The following EPHA6 variants were observed in gnomAD, a reference collection of about 807,000 sequenced individuals.
EPHA6 encodes EPH receptor A6, also known as ephrin type-A receptor 6.
EPHA6 carries 50 observed loss-of-function variants against 112.0 expected under a neutral mutation model. The ratio of observed to expected loss-of-function variants is 0.45; its 90% confidence interval spans 0.36 to 0.56. The LOEUF (loss-of-function observed/expected upper bound fraction) is 0.56, where lower values mean the gene tolerates loss of function less well. Among genes scored for constraint, EPHA6 ranks in the 20% least tolerant of loss-of-function variants. The probability of loss-of-function intolerance (pLI) is 0.00; values close to 1 mark genes in which losing one functional copy is unlikely to be tolerated. For synonymous variants in EPHA6, 529 were observed against 490.7 expected, an observed-to-expected ratio of 1.08 and a Z score of -1.03; for missense variants, 1,280 against 1,417.4, an observed-to-expected ratio of 0.90 and a Z score of 1.56.
intron 2 of EPHA6, among the ~76,000 whole-genome samples, chr3:96,971,993 G>T (rs2042333044): frequency 6.6e-6 from 1 of 152,012 alleles, no homozygotes; most frequent in South Asian, 2.1e-4. Flanking sequence ...GATTTATTAT[G>T]ATTTTGTTGT....
At chr3:96,878,970 ATTATT>A (rs1460279509) in intron 2 of EPHA6, among the ~76,000 whole-genome samples, 1 of 152,056 alleles carries the variant, frequency 6.6e-6, no homozygotes, top group East Asian at 1.9e-4. Flanking sequence ...TAAATTGATT[ATTATT>A]TTGAGTATTA....
chr3:97,150,609 C>T (rs1485370256), intron 3 of EPHA6, among the ~76,000 whole-genome samples: 2 of 151,954 alleles, frequency 1.3e-5, no homozygotes, highest in African/African-American at 4.8e-5. Context: ...ACTCTGGTTG[C>T]CTTTATAACT....
At position 97,110,292 on chromosome 3, in the gene EPHA6, C is replaced by A. The variant is rs553479023; in HGVS notation, c.1115-115972C>A. On this transcript the variant is annotated intron_variant, in intron 3 of 17. Coordinates refer to ENST00000389672, the MANE Select transcript of EPHA6 (RefSeq NM_001080448.3). ...GGTAATTTACCATTTACATAACTCT[C>A]TTTTAGGAGAAATTTCAGGTACCAG... Among the ~76,000 whole-genome samples the A allele has an allele frequency of 1.8e-3, 273 of 152,178 alleles. 4 individuals are homozygous for A. Among genetic ancestry groups the A allele is most frequent in the South Asian group, 3.7e-3 (18 of 4,824 alleles).
chr3:97,236,773 G>C (rs751747141), intron 4 of EPHA6, among the ~76,000 whole-genome samples: 1 of 152,050 alleles, frequency 6.6e-6, no homozygotes, highest in Non-Finnish European at 1.5e-5. Context: ...GGTTTCTTTA[G>C]TGCTGGAATA....
intron 5 of EPHA6, among the ~76,000 whole-genome samples, chr3:97,288,607 T>A (rs1446553118): frequency 6.6e-6 from 1 of 152,184 alleles, no homozygotes; most frequent in Non-Finnish European, 1.5e-5. Flanking sequence ...TTAATGAGAT[T>A]GCTGGGTCAG....
At chr3:97,036,639 G>T (rs996933817) in intron 3 of EPHA6, among the ~76,000 whole-genome samples, 1 of 151,984 alleles carries the variant, frequency 6.6e-6, no homozygotes, top group African/African-American at 2.4e-5. Context: ...TAGTTTTCAA[G>T]TGACATTCTT....
chr3:97,755,051 T>C lies in EPHA6; in HGVS notation c.*6350T>C, dbSNP rs1271955627. Reference sequence around the variant, plus strand: ...CATGGAAAAGTTCTTGCTTGAACTTTCACACTGATTAATCAAAGTAACAAA... The same window carrying C: ...CATGGAAAAGTTCTTGCTTGAACTTCCACACTGATTAATCAAAGTAACAAA... On this transcript the variant is annotated 3_prime_UTR_variant, in exon 18 of 18. Coordinates refer to ENST00000389672, the MANE Select transcript of EPHA6 (RefSeq NM_001080448.3). 6.6e-6 allele frequency among the ~76,000 whole-genome samples: 1 copy of C among 152,252 alleles called. No individual in the cohort carries two copies. Among genetic ancestry groups the C allele is most frequent in the East Asian group, 1.9e-4 (1 of 5,196 alleles).
chr3:97,175,236 A>G (rs2076804905), intron 3 of EPHA6, among the ~76,000 whole-genome samples: 1 of 151,794 alleles, frequency 6.6e-6, no homozygotes. Flanking sequence ...TGGGTTCTCT[A>G]TTATTTTCCA....
intron 5 of EPHA6, among the ~76,000 whole-genome samples, chr3:97,252,080 AC>A (rs1482381319): frequency 6.6e-6 from 1 of 152,140 alleles, no homozygotes; most frequent in Admixed American, 6.5e-5. Flanking sequence ...TCTGTAGTTG[AC>A]CCCACATGCA....
intron 5 of EPHA6, among the ~76,000 whole-genome samples, chr3:97,275,945 T>A (rs1447722961): frequency 6.6e-6 from 1 of 151,990 alleles, no homozygotes; most frequent in Non-Finnish European, 1.5e-5. Flanking sequence ...AGTTAAAATG[T>A]CTCGACCTAA....
Position 97,610,472 on chromosome 3 carries a change from GT to G in EPHA6, c.2513-317del, listed in dbSNP as rs1301265389. 2.6e-5 allele frequency among the ~76,000 whole-genome samples: 4 copies of G among 151,618 alleles called. No homozygotes were observed. The South Asian group carries it at 8.3e-4, about 31-fold the overall frequency. ...AAATCCTGACTTCAGCTTGTTGATT[GT>G]TTTCTAAGGAAAAACTAGAGGACAA... is the stretch of plus-strand genomic sequence containing the variant. On this transcript the variant is annotated intron_variant, in intron 12 of 17. Transcript: ENST00000389672.
At chr3:97,184,264 T>G (rs936309129) in intron 3 of EPHA6, among the ~76,000 whole-genome samples, 1 of 152,112 alleles carries the variant, frequency 6.6e-6, no homozygotes, top group African/African-American at 2.4e-5. Flanking sequence ...GGAAGCAACT[T>G]TCCAATCAAC....
chr3:97,474,780 A>G (rs981249966), intron 7 of EPHA6, among the ~76,000 whole-genome samples: 1 of 152,052 alleles, frequency 6.6e-6, no homozygotes, highest in Non-Finnish European at 1.5e-5. Flanking sequence ...GGAAGCTTTT[A>G]AACATCATTT....
At chr3:97,243,009 A>G (rs2078892026) in intron 4 of EPHA6, among the ~76,000 whole-genome samples, 1 of 151,886 alleles carries the variant, frequency 6.6e-6, no homozygotes, top group Non-Finnish European at 1.5e-5. Flanking sequence ...AATGAACATT[A>G]TAAAACTGAG....
intron 5 of EPHA6, among the ~76,000 whole-genome samples, chr3:97,284,972 G>T (rs1381507778): frequency 6.6e-6 from 1 of 152,008 alleles, no homozygotes; most frequent in Non-Finnish European, 1.5e-5. Flanking sequence ...TATGTGTTTA[G>T]CATTTAAATG....
At position 97,127,537 on chromosome 3, in the gene EPHA6, A is replaced by G. The variant is rs138010514; in HGVS notation, c.1115-98727A>G. ...GAGTTCCGAGACCAGCCCGGCCAAC[A>G]TGGTGAAACCCCGTCTCTACTAAAA... is the stretch of plus-strand genomic sequence containing the variant. On this transcript the variant is annotated intron_variant, in intron 3 of 17. Transcript: ENST00000389672. Among the ~76,000 whole-genome samples, 47 of 152,174 alleles carry G rather than the reference A, an allele frequency of 3.1e-4. No individual in the cohort carries two copies. In the South Asian group the frequency reaches 4.2e-3, roughly 13 times the overall value.
chr3:97,232,579 A>G (rs766781132), intron 4 of EPHA6, among the ~76,000 whole-genome samples: 43 of 152,316 alleles, frequency 2.8e-4, no homozygotes, highest in Non-Finnish European at 5.4e-4. Flanking sequence ...GCCTGCAGCG[A>G]CTTGATTCCT....
chr3:97,382,182 G>T (rs2085789356), intron 5 of EPHA6, among the ~76,000 whole-genome samples: 1 of 151,994 alleles, frequency 6.6e-6, no homozygotes, highest in South Asian at 2.1e-4. Flanking sequence ...TACAGTAACT[G>T]ATTTTGACAT....
intron 3 of EPHA6, among the ~76,000 whole-genome samples, chr3:97,090,053 A>G (rs2108226421): frequency 6.6e-6 from 1 of 152,158 alleles, no homozygotes; most frequent in East Asian, 1.9e-4. Context: ...AATTATTATA[A>G]TTGCTATTCA....
Sources: gnomAD v4.1 joint callset for allele counts (sites outside exome capture counted in the v4.1 genomes callset) on GRCh38, gnomAD v4.1.1 for gene constraint, MANE v1.5 for transcripts, NCBI Gene and HGNC (gene_info 2026-07-23, HGNC 2026-07-21) for gene names.